DSCAM: variants seen among roughly 807,000 people sequenced by gnomAD.
DSCAM encodes the protein DS cell adhesion molecule.
DSCAM carries 47 observed loss-of-function variants against 217.7 expected under a neutral mutation model. The ratio of observed to expected loss-of-function variants is 0.22; its 90% confidence interval spans 0.17 to 0.28. The LOEUF is 0.28. DSCAM is among the 10% of genes least tolerant of loss of function. The pLI, the probability that DSCAM is intolerant of heterozygous loss-of-function variation, is 1.00. For missense variants in DSCAM, 2,080 were observed against 2,618.3 expected (o/e 0.79, Z 4.49); for synonymous variants, 1,056 against 1,015.3 (o/e 1.04, Z -0.76).
intron 3 of DSCAM, among the ~76,000 whole-genome samples, chr21:40,510,150 C>G (rs2076246939): frequency 6.6e-6 from 1 of 151,914 alleles, no homozygotes; most frequent in Non-Finnish European, 1.5e-5. Context: ...AAATTGTCCC[C>G]CCCCAAAGCA....
At chr21:40,648,638 T>C (rs2410266) in intron 3 of DSCAM, among the ~76,000 whole-genome samples, 60,473 of 151,870 alleles carry the variant, frequency 0.4, 12,545 homozygotes, top group East Asian at 0.6. Context: ...ATTAGTTTTC[T>C]ACACTGTCGT....
Position 40,042,690 on chromosome 21 carries a change from A to G in DSCAM, c.5384-17T>C. 31 of 1,585,216 alleles carry G rather than the reference A, an allele frequency of 2.0e-5. No homozygotes were observed. The highest frequency in any genetic ancestry group is 2.2e-5 in the Non-Finnish European group (26 of 1,168,484). ...TTGCTCGATCTACACCAGGAAAGAG[A>G]AAAACAAGACGGACGACTCACCATC... On this transcript the variant is annotated splice_polypyrimidine_tract_variant and intron_variant, in intron 31 of 32. Coordinates refer to ENST00000400454, the MANE Select transcript of DSCAM (RefSeq NM_001389.5).
intron 32 of DSCAM, among the ~76,000 whole-genome samples, chr21:40,031,579 G>T (rs1486373670): frequency 6.6e-6 from 1 of 152,118 alleles, no homozygotes; most frequent in Non-Finnish European, 1.5e-5. Flanking sequence ...TCTTGAGAAG[G>T]TCAAGAAATA....
At chr21:40,681,903 C>T (rs1601845379) in intron 3 of DSCAM, among the ~76,000 whole-genome samples, 1 of 152,262 alleles carries the variant, frequency 6.6e-6, no homozygotes, top group East Asian at 1.9e-4. Flanking sequence ...GCAGGCAACA[C>T]CAGGTGCTGG....
At chr21:40,676,070 A>G (rs888576824) in intron 3 of DSCAM, among the ~76,000 whole-genome samples, 10 of 152,264 alleles carry the variant, frequency 6.6e-5, no homozygotes, top group Non-Finnish European at 5.9e-5. Flanking sequence ...ACAAGTGTAT[A>G]TTTTAAATAC....
chr21:40,210,889 G>A (rs1225658585), intron 11 of DSCAM, among the ~76,000 whole-genome samples: 5 of 152,110 alleles, frequency 3.3e-5, no homozygotes, highest in African/African-American at 7.2e-5. Context: ...GTATGTGCTC[G>A]TGTAGCTCTG....
chr21:40,161,080 G>T (rs960724226), intron 16 of DSCAM, among the ~76,000 whole-genome samples: 1 of 152,144 alleles, frequency 6.6e-6, no homozygotes, highest in Non-Finnish European at 1.5e-5. Context: ...CCCTGTGGCT[G>T]CGAGTAGCTC....
At chr21:40,579,555 G>C (rs972153027) in intron 3 of DSCAM, among the ~76,000 whole-genome samples, 2 of 152,092 alleles carry the variant, frequency 1.3e-5, no homozygotes, top group African/African-American at 4.8e-5. Context: ...ATTCTAGAAA[G>C]ATTACAAGCC....
chr21:40,017,218 C>A (rs577659831), intron 32 of DSCAM, among the ~76,000 whole-genome samples: 1 of 152,016 alleles, frequency 6.6e-6, no homozygotes, highest in East Asian at 1.9e-4. Context: ...TGTTATTACC[C>A]GTCTTGAAAA....
At chr21:40,098,936 A>G (rs73908404) in intron 20 of DSCAM, among the ~76,000 whole-genome samples, 3,595 of 152,276 alleles carry the variant, frequency 0.024, 134 homozygotes, top group African/African-American at 0.082. Flanking sequence ...TAGTCCCTCT[A>G]GAAGTTCAGA....
At chr21:40,747,807 T>C (rs1428055245) in intron 1 of DSCAM, among the ~76,000 whole-genome samples, 3 of 151,806 alleles carry the variant, frequency 2.0e-5, no homozygotes, top group Non-Finnish European at 4.4e-5. Context: ...TGAATACAGA[T>C]GCAAAAAATC....
chr21:40,182,643 GA>G (rs1568986437), intron 14 of DSCAM, among the ~76,000 whole-genome samples: 195 of 129,714 alleles, frequency 1.5e-3, no homozygotes, highest in African/African-American at 6.3e-3. Flanking sequence ...CCGTGGACAG[GA>G]GGGGGTTACC....
chr21:40,474,166 G>A (rs370877640), intron 3 of DSCAM, among the ~76,000 whole-genome samples: 79 of 152,178 alleles, frequency 5.2e-4, no homozygotes, highest in African/African-American at 1.9e-3. Flanking sequence ...GGTGGCAGGC[G>A]CCTGTAATCC....
At chr21:40,683,333 G>T (rs1430991002) in intron 3 of DSCAM, among the ~76,000 whole-genome samples, 1 of 152,084 alleles carries the variant, frequency 6.6e-6, no homozygotes, top group Non-Finnish European at 1.5e-5. Flanking sequence ...TCAGTAGATT[G>T]TAACAGGCAA....
Position 40,144,468 on chromosome 21 carries a change from G to A in DSCAM, c.3259+23C>T, listed in dbSNP as rs1448150603. The A allele has an allele frequency of 1.7e-5, 27 of 1,611,522 alleles. No homozygotes were observed. The highest frequency in any genetic ancestry group is 1.9e-5 in the Non-Finnish European group (22 of 1,178,120). On this transcript the variant is annotated intron_variant, in intron 17 of 32. Transcript: ENST00000400454. This position sits in a 1 kb window ranked among gnomAD's most constrained non-coding sequence, Gnocchi z 4.8. ...GAACCTTTGCGGAGGGAAAAGCCAC[G>A]ACCAGGCCCCGGCCGAACCTACCAT...
At chr21:40,827,872 G>A (rs2091983031) in intron 1 of DSCAM, among the ~76,000 whole-genome samples, 1 of 152,184 alleles carries the variant, frequency 6.6e-6, no homozygotes, top group Non-Finnish European at 1.5e-5. Flanking sequence ...AGCTGCAACA[G>A]ATTGGAAAAT....
chr21:40,476,659 G>T (rs1205802460), intron 3 of DSCAM, among the ~76,000 whole-genome samples: 1 of 152,110 alleles, frequency 6.6e-6, no homozygotes, highest in Non-Finnish European at 1.5e-5. Context: ...GGGAGTTTTG[G>T]GGGAAAGAAT....
chr21:40,079,825 G>A (rs2089427201), intron 25 of DSCAM, among the ~76,000 whole-genome samples: 1 of 152,120 alleles, frequency 6.6e-6, no homozygotes, highest in Admixed American at 6.5e-5. Context: ...GTGGCTAAGG[G>A]AGAAGGGCGC....
At chr21:40,114,098 T>A (rs2089936126) in intron 20 of DSCAM, among the ~76,000 whole-genome samples, 1 of 151,120 alleles carries the variant, frequency 6.6e-6, no homozygotes, top group Non-Finnish European at 1.5e-5. Flanking sequence ...AGAGCCCGCA[T>A]CGCCAAGTCA....
Sources: allele counts gnomAD v4.1 joint callset (sites outside exome capture counted in the v4.1 genomes callset), GRCh38; gene constraint gnomAD v4.1.1; non-coding constraint Gnocchi (gnomAD v3.1); transcripts MANE v1.5; gene names NCBI Gene and HGNC (gene_info 2026-07-23, HGNC 2026-07-21).